The following DYSF variants were observed in gnomAD, a reference collection of about 807,000 sequenced individuals.
DYSF encodes dysferlin.
DYSF carries 212 observed loss-of-function variants against 274.9 expected under a neutral mutation model. That is an observed-to-expected ratio of 0.77 (90% CI 0.69 to 0.86). DYSF has a LOEUF of 0.86. Among genes scored for constraint, DYSF ranks in the 40% least tolerant of loss-of-function variants. The pLI is 0.00. For synonymous variants in DYSF, 1,091 were observed against 1,078.7 expected (o/e 1.01, Z -0.22); for missense variants, 2,666 against 2,783.2 (o/e 0.96, Z 0.95).
chr2:71,618,198 T>G, intron 40 of DYSF, among the ~76,000 whole-genome samples: 6 of 45,310 alleles, frequency 1.3e-4, no homozygotes, highest in Admixed American at 2.7e-4. Context: ...GTGTGTGTGG[T>G]AGAGATGGGA....
At chr2:71,480,706 T>G (rs2082810987) in intron 1 of DYSF, among the ~76,000 whole-genome samples, 177 bp from the exon 2 acceptor site, 1 of 152,126 alleles carries the variant, frequency 6.6e-6, no homozygotes. Flanking sequence ...AGGGGGAAGT[T>G]GTGTGATTGG....
chr2:71,650,053 A>G lies in DYSF; in HGVS notation c.4626+5990A>G, dbSNP rs150110041. ...AGATATGACACTTATGAGAATATCT[A>G]TGTGCTAAATACTACAACATCAATA... On this transcript the variant is annotated intron_variant, in intron 42 of 55. Transcript: ENST00000410020. Among the ~76,000 whole-genome samples, 608 of 152,280 alleles carry G rather than the reference A, an allele frequency of 4.0e-3. 5 individuals are homozygous for G. The highest frequency in any genetic ancestry group is 0.014 in the African/African-American group (581 of 41,540).
chr2:71,511,042 A>G (rs7589868), intron 4 of DYSF, among the ~76,000 whole-genome samples: 23,875 of 152,210 alleles, frequency 0.16, 1,943 homozygotes, highest in African/African-American at 0.21. Context: ...TGGAGCCGGG[A>G]CAGGGCTCAG....
intron 1 of DYSF, among the ~76,000 whole-genome samples, chr2:71,469,194 C>T (rs2081780208): frequency 1.3e-5 from 2 of 152,114 alleles, no homozygotes; most frequent in South Asian, 4.1e-4. Context: ...CTCCCCATTG[C>T]GGGAGCATTC....
chr2:71,562,479 C>T (rs1187785130), intron 23 of DYSF, among the ~76,000 whole-genome samples: 1 of 152,144 alleles, frequency 6.6e-6, no homozygotes, highest in Non-Finnish European at 1.5e-5. Flanking sequence ...CTTTGGGGAA[C>T]TATTTCCCCA....
intron 17 of DYSF, among the ~76,000 whole-genome samples, chr2:71,548,221 C>T (rs1249808660): frequency 6.6e-6 from 1 of 152,172 alleles, no homozygotes; most frequent in African/African-American, 2.4e-5. Context: ...GCTGTCTTTG[C>T]CCTGTCCTCA....
At chr2:71,458,136 T>C (rs1305741046) in intron 1 of DYSF, among the ~76,000 whole-genome samples, 1 of 152,222 alleles carries the variant, frequency 6.6e-6, no homozygotes, top group East Asian at 1.9e-4. Context: ...ATCTGTAAAG[T>C]GTTGATAACA....
rs550654868 is a variant in DYSF at position 71,478,304 on chromosome 2, T to C, written c.92-2579T>C. ...TCGGCTCACTGCAAGCCCCGCCTCCTGGGTTCACGCCATTCTCCTGCCTCA... is the reference window on the plus strand; with the variant it reads ...TCGGCTCACTGCAAGCCCCGCCTCCCGGGTTCACGCCATTCTCCTGCCTCA... On this transcript the variant is annotated intron_variant, in intron 1 of 55. Transcript: ENST00000410020. Among the ~76,000 whole-genome samples the C allele has an allele frequency of 7.9e-4, 119 of 151,572 alleles. 1 individual carries two copies. The highest frequency in any genetic ancestry group is 2.0e-3 in the African/African-American group (81 of 41,258).
At chr2:71,600,896 G>A in intron 34 of DYSF, 54 bp downstream of exon 34, 2 of 1,599,750 alleles carry the variant, frequency 1.3e-6, no homozygotes, top group South Asian at 2.2e-5. Flanking sequence ...TGGGGTGGGG[G>A]CCAACCCTCT....
At chr2:71,566,306 A>G (rs1474247388) in intron 24 of DYSF, among the ~76,000 whole-genome samples, 1 of 140,438 alleles carries the variant, frequency 7.1e-6, no homozygotes. Context: ...CCTCTTGGCC[A>G]TGTAGCCTCA....
intron 36 of DYSF, among the ~76,000 whole-genome samples, chr2:71,605,631 G>A (rs2093632980): frequency 6.6e-6 from 1 of 152,074 alleles, no homozygotes; most frequent in African/African-American, 2.4e-5. Context: ...TATGCTTTGT[G>A]GCTGATTTTA....
At chr2:71,553,747 A>ACCCCCAAACCCCCCCC in intron 20 of DYSF, 60 bp from the exon 21 acceptor site, 1 of 872,684 alleles carries the variant, frequency 1.1e-6, no homozygotes, top group Non-Finnish European at 1.8e-6. Context: ...CACTCTTAGC[A>ACCCCCAAACCCCCCCC]CCCCATCCCA....
At chr2:71,581,859 G>A (rs2092908563) in intron 30 of DYSF, among the ~76,000 whole-genome samples, 1 of 152,142 alleles carries the variant, frequency 6.6e-6, no homozygotes, top group East Asian at 1.9e-4. Context: ...TGTAAATAAG[G>A]CTTTATTGGC....
chr2:71,553,260 C>G, intron 20 of DYSF, 72 bp downstream of exon 20: 1 of 1,603,378 alleles, frequency 6.2e-7, no homozygotes, highest in East Asian at 2.2e-5. Flanking sequence ...TAAATCCCGC[C>G]TCCCATGGAA....
At chr2:71,558,049 A>G (rs1224878126) in intron 22 of DYSF, among the ~76,000 whole-genome samples, 2 of 152,064 alleles carry the variant, frequency 1.3e-5, no homozygotes, top group Admixed American at 1.3e-4. Context: ...AAAAAAGTAA[A>G]TGACCCTCGT....
intron 47 of DYSF, among the ~76,000 whole-genome samples, chr2:71,666,883 AGT>A (rs1173497037): frequency 6.6e-6 from 1 of 152,230 alleles, no homozygotes; most frequent in East Asian, 1.9e-4. Flanking sequence ...CTTGAAGAAC[AGT>A]GTGTGGCACG....
intron 26 of DYSF, 151 bp downstream of exon 26, chr2:71,568,489 G>C: frequency 9.3e-7 from 1 of 1,070,274 alleles, no homozygotes; most frequent in Non-Finnish European, 1.4e-6. Flanking sequence ...TCCCAGGACT[G>C]AGGCTTGCCA....
chr2:71,476,339 G>A lies in DYSF; in HGVS notation c.92-4544G>A, dbSNP rs13401082. Among the ~76,000 whole-genome samples the A allele has an allele frequency of 2.2e-3, 331 of 152,188 alleles. 1 individual carries two copies. The highest frequency in any genetic ancestry group is 7.3e-3 in the African/African-American group (304 of 41,540). On this transcript the variant is annotated intron_variant, in intron 1 of 55. Transcript: ENST00000410020. Reference sequence around the variant, plus strand: ...GGCCGAGGTGGGCAGACCACCTGAGGTCAGGAATTTGAGGCCAGCCTGGCC... The same window carrying A: ...GGCCGAGGTGGGCAGACCACCTGAGATCAGGAATTTGAGGCCAGCCTGGCC...
At chr2:71,651,579 T>C (rs1384511566) in intron 42 of DYSF, among the ~76,000 whole-genome samples, 1 of 152,132 alleles carries the variant, frequency 6.6e-6, no homozygotes, top group Non-Finnish European at 1.5e-5. Flanking sequence ...ATTTCCTAAA[T>C]TTTCAAAGAA....
Sources: gnomAD v4.1 joint callset for allele counts (sites outside exome capture counted in the v4.1 genomes callset) on GRCh38, gnomAD v4.1.1 for gene constraint, MANE v1.5 for transcripts, NCBI Gene and HGNC (gene_info 2026-07-23, HGNC 2026-07-21) for gene names.